CDH18: variants seen among roughly 807,000 people sequenced by gnomAD.
CDH18 encodes the protein cadherin-18.
In CDH18, 31 loss-of-function variants were observed where a neutral mutation model predicts 67.9. The ratio of observed to expected loss-of-function variants is 0.46; its 90% confidence interval spans 0.34 to 0.62. The LOEUF (loss-of-function observed/expected upper bound fraction) is 0.62. Among genes scored for constraint, CDH18 ranks in the 20% least tolerant of loss-of-function variants. CDH18 has a pLI of 0.01. For synonymous variants in CDH18, 362 were observed against 347.2 expected (o/e 1.04, Z -0.48); for missense variants, 890 against 975.5 (o/e 0.91, Z 1.17).
Position 20,457,560 on chromosome 5 carries a change from G to A in CDH18, c.-580+117902C>T, listed in dbSNP as rs1239931313. ...GCTATACAACTGTGCTTTGAACCCC[G>A]ATGCTCTTCTTTTTCCGAGAAGAGG... is the stretch of plus-strand genomic sequence containing the variant. On this transcript the variant is annotated intron_variant, in intron 1 of 14. Transcript: ENST00000507958. Among the ~76,000 whole-genome samples the A allele has an allele frequency of 2.6e-5, 4 of 152,182 alleles. No individual in the cohort carries two copies. In the East Asian group the frequency reaches 5.8e-4, roughly 22 times the overall value.
At chr5:19,890,635 C>T (rs1788691862) in intron 2 of CDH18, among the ~76,000 whole-genome samples, 2 of 149,156 alleles carry the variant, frequency 1.3e-5, no homozygotes, top group Admixed American at 1.3e-4. Context: ...TGCTCTGTCG[C>T]CCAGGCAGGA....
chr5:19,774,991 C>A (rs77827405), intron 3 of CDH18, among the ~76,000 whole-genome samples: 3,207 of 152,120 alleles, frequency 0.021, 57 homozygotes, highest in South Asian at 0.044. Context: ...ATAATTATTT[C>A]TGTTAATAAA....
chr5:20,360,839 A>G (rs566448367), intron 1 of CDH18, among the ~76,000 whole-genome samples: 82 of 152,218 alleles, frequency 5.4e-4, no homozygotes, highest in African/African-American at 1.6e-3. Context: ...TTTTTTTTCA[A>G]TTAGGAAGTA....
chr5:19,761,731 G>C (rs1202480761), intron 3 of CDH18, among the ~76,000 whole-genome samples: 1 of 152,006 alleles, frequency 6.6e-6, no homozygotes, highest in African/African-American at 2.4e-5. Flanking sequence ...CACAGAATTG[G>C]AAAAAACTAC....
intron 3 of CDH18, among the ~76,000 whole-genome samples, chr5:19,758,712 C>G (rs1771955794): frequency 6.6e-6 from 1 of 152,206 alleles, no homozygotes; most frequent in Admixed American, 6.5e-5. Context: ...TTATCCTTCA[C>G]CTTAGAAGGG....
chr5:19,949,696 GA>G (rs1165191415), intron 2 of CDH18, among the ~76,000 whole-genome samples: 1 of 152,078 alleles, frequency 6.6e-6, no homozygotes, highest in Non-Finnish European at 1.5e-5. Flanking sequence ...TTACTTGTCT[GA>G]ATAGATAAAA....
At chr5:20,199,796 TC>T (rs1277635975) in intron 2 of CDH18, among the ~76,000 whole-genome samples, 4 of 152,164 alleles carry the variant, frequency 2.6e-5, no homozygotes, top group African/African-American at 7.2e-5. Flanking sequence ...GGGTGGTTTC[TC>T]CCATGCTGTT....
At chr5:19,789,967 C>T (rs1005701669) in intron 3 of CDH18, among the ~76,000 whole-genome samples, 1 of 151,718 alleles carries the variant, frequency 6.6e-6, no homozygotes, top group Non-Finnish European at 1.5e-5. Context: ...CACAAGTAAA[C>T]ATAATTACCA....
chr5:19,972,165 G>A (rs1373756667), intron 2 of CDH18, among the ~76,000 whole-genome samples: 6 of 152,008 alleles, frequency 3.9e-5, no homozygotes, highest in Admixed American at 3.3e-4. Flanking sequence ...AATTGAATGA[G>A]TTTGTTTATT....
chr5:20,453,102 T>G (rs1030370784), intron 1 of CDH18, among the ~76,000 whole-genome samples: 8 of 152,186 alleles, frequency 5.3e-5, no homozygotes, highest in African/African-American at 1.9e-4. Flanking sequence ...TCTGTGTCAT[T>G]AGCACAGGGG....
At chr5:20,058,806 C>G (rs114982988) in intron 2 of CDH18, among the ~76,000 whole-genome samples, 95 of 152,192 alleles carry the variant, frequency 6.2e-4, no homozygotes, top group African/African-American at 2.2e-3. Flanking sequence ...ATGGCAAACT[C>G]CAGTTTACAG....
chr5:20,572,524 A>G (rs1469777943), intron 1 of CDH18, among the ~76,000 whole-genome samples: 1 of 152,182 alleles, frequency 6.6e-6, no homozygotes, highest in Non-Finnish European at 1.5e-5. Context: ...TTTGAAAAGC[A>G]TAGGATATAT....
chr5:19,872,037 C>T (rs1482738862), intron 2 of CDH18, among the ~76,000 whole-genome samples: 2 of 152,122 alleles, frequency 1.3e-5, no homozygotes, highest in African/African-American at 4.8e-5. Flanking sequence ...TTAGTGGAAA[C>T]TCTTTGTTTT....
chr5:19,858,017 AT>A (rs1784491099), intron 2 of CDH18, among the ~76,000 whole-genome samples: 1 of 152,172 alleles, frequency 6.6e-6, no homozygotes, highest in African/African-American at 2.4e-5. Context: ...AGAATTCAAA[AT>A]CTGCAGCAAG....
intron 2 of CDH18, among the ~76,000 whole-genome samples, chr5:20,137,390 T>C (rs1749822572): frequency 2.0e-5 from 3 of 152,190 alleles, no homozygotes; most frequent in East Asian, 1.9e-4. Flanking sequence ...CTGAAGCTTG[T>C]GCATGCATCA....
At chr5:19,476,725 A>G (rs569306044) in intron 12 of CDH18, among the ~76,000 whole-genome samples, 4 of 152,094 alleles carry the variant, frequency 2.6e-5, no homozygotes, top group African/African-American at 9.6e-5. Context: ...AAATCAAGTT[A>G]TTTTCTTTTA....
At chr5:20,265,115 T>C (rs1389300058) in intron 1 of CDH18, among the ~76,000 whole-genome samples, 3 of 152,188 alleles carry the variant, frequency 2.0e-5, no homozygotes, top group Non-Finnish European at 4.4e-5. Flanking sequence ...TTATTCATAT[T>C]AGATTATAGT....
chr5:20,204,601 T>C lies in CDH18; in HGVS notation c.-518+50843A>G, dbSNP rs80252876. Among the ~76,000 whole-genome samples the C allele has an allele frequency of 1.5e-3, 223 of 152,112 alleles. 3 individuals carry two copies. In the East Asian group the frequency reaches 0.028, roughly 19 times the overall value. ...TAAGTGCACAGACAAATCCAAAATATTCTAATATCATAATTATAATGTGTA... is the reference window on the plus strand; with the variant it reads ...TAAGTGCACAGACAAATCCAAAATACTCTAATATCATAATTATAATGTGTA... On this transcript the variant is annotated intron_variant, in intron 2 of 14. Coordinates refer to the CDH18 transcript ENST00000507958.
At chr5:20,405,566 C>T (rs1389669477) in intron 1 of CDH18, among the ~76,000 whole-genome samples, 2 of 152,100 alleles carry the variant, frequency 1.3e-5, no homozygotes, top group Non-Finnish European at 2.9e-5. Flanking sequence ...GCAATGGCAA[C>T]AAAAGCCAAA....
Sources: allele counts gnomAD v4.1 joint callset (sites outside exome capture counted in the v4.1 genomes callset), GRCh38; gene constraint gnomAD v4.1.1; transcripts MANE v1.5; gene names NCBI Gene and HGNC (gene_info 2026-07-23, HGNC 2026-07-21).